CHLSN: variants seen among roughly 807,000 people sequenced by gnomAD.
CHLSN encodes cholesin, also known as protein cholesin.
At chr7:1,119,883 A>AT in the CHLSN span, among the ~76,000 whole-genome samples, 6,156 of 147,036 alleles carry the variant, frequency 0.042, 326 homozygotes, top group African/African-American at 0.12. Flanking sequence ...GTCAAAAAAA[A>AT]AAAAAAGGGG....
the CHLSN span, among the ~76,000 whole-genome samples, chr7:1,014,797 G>A: frequency 4.0e-5 from 6 of 151,730 alleles, no homozygotes; most frequent in African/African-American, 1.2e-4. Flanking sequence ...CGCCGGCCAC[G>A]GCAGCGATCC....
the CHLSN span, among the ~76,000 whole-genome samples, chr7:1,070,954 GCA>G: frequency 9.0e-6 from 1 of 111,562 alleles, no homozygotes; most frequent in African/African-American, 2.9e-5. Context: ...CACACACACA[GCA>G]CAGACACGCA....
At chr7:1,059,736 G>A in the CHLSN span, among the ~76,000 whole-genome samples, 1 of 144,538 alleles carries the variant, frequency 6.9e-6, no homozygotes. Context: ...GTCTTAGGGG[G>A]GCGGGTCCGT....
the CHLSN span, among the ~76,000 whole-genome samples, chr7:1,095,369 T>A: frequency 7.2e-6 from 1 of 138,874 alleles, no homozygotes; most frequent in Non-Finnish European, 1.5e-5. Flanking sequence ...ACCCGGGCAC[T>A]CTCTTTACAA....
the CHLSN span, among the ~76,000 whole-genome samples, chr7:1,043,180 C>T: frequency 3.3e-5 from 5 of 151,906 alleles, no homozygotes; most frequent in East Asian, 5.8e-4. Flanking sequence ...AAGCCAAGAT[C>T]GTGTCATTGC....
chr7:1,021,670 C>T, the CHLSN span: 2 of 705,250 alleles, frequency 2.8e-6, no homozygotes, highest in East Asian at 1.3e-4. Context: ...CTGGGAACCC[C>T]GGCAGGTCGG....
the CHLSN span, among the ~76,000 whole-genome samples, chr7:1,119,281 C>A: frequency 6.6e-6 from 1 of 151,874 alleles, no homozygotes; most frequent in Non-Finnish European, 1.5e-5. Context: ...TCACAAAAAA[C>A]AAATCAAAAA....
chr7:988,902 C>A, the CHLSN span: 15 of 896,538 alleles, frequency 1.7e-5, no homozygotes, highest in South Asian at 2.3e-4. Flanking sequence ...TCCCACCCCA[C>A]AGCTCGGACT....
chr7:1,022,182 G>A, the CHLSN span, among the ~76,000 whole-genome samples: 1 of 152,196 alleles, frequency 6.6e-6, no homozygotes, highest in South Asian at 2.1e-4. Flanking sequence ...GCTCAGGAGG[G>A]AAGGACCAGA....
At chr7:1,022,096 CCT>C in the CHLSN span, among the ~76,000 whole-genome samples, 1 of 152,218 alleles carries the variant, frequency 6.6e-6, no homozygotes, top group African/African-American at 2.4e-5. Context: ...GGCAACCAAC[CCT>C]GAGTCCACCG....
At chr7:1,034,869 C>T in the CHLSN span, among the ~76,000 whole-genome samples, 1 of 151,642 alleles carries the variant, frequency 6.6e-6, no homozygotes, top group Non-Finnish European at 1.5e-5. Context: ...CATCATTCAG[C>T]TCCCACTTAT....
the CHLSN span, among the ~76,000 whole-genome samples, chr7:1,019,838 C>T: frequency 6.6e-6 from 1 of 152,250 alleles, no homozygotes; most frequent in Non-Finnish European, 1.5e-5. Context: ...ACTCAGGTCT[C>T]TCACTCCTGC....
chr7:979,054 C>T, the CHLSN span, among the ~76,000 whole-genome samples: 4 of 152,224 alleles, frequency 2.6e-5, no homozygotes, highest in Non-Finnish European at 5.9e-5. Context: ...GTCCACGGCA[C>T]AGGTGTCCTG....
the CHLSN span, among the ~76,000 whole-genome samples, chr7:1,016,201 GCACGCCAGCA>G: frequency 2.9e-5 from 1 of 33,904 alleles, no homozygotes; most frequent in African/African-American, 2.1e-4. Context: ...ACACAGCAGC[GCACGCCAGCA>G]CACAGCAGCA....
the CHLSN span, among the ~76,000 whole-genome samples, chr7:982,250 C>T: frequency 6.6e-6 from 1 of 152,212 alleles, no homozygotes; most frequent in Non-Finnish European, 1.5e-5. Context: ...GGCTTTCCCT[C>T]CCAGCTAATC....
chr7:1,038,841 C>A, the CHLSN span, among the ~76,000 whole-genome samples: 168 of 36,220 alleles, frequency 4.6e-3, no homozygotes, highest in East Asian at 8.9e-3. Flanking sequence ...GTGGGGGGGT[C>A]AGCCCCCCGC....
the CHLSN span, among the ~76,000 whole-genome samples, chr7:1,119,194 A>C: frequency 1.3e-5 from 2 of 152,206 alleles, no homozygotes; most frequent in African/African-American, 4.8e-5. Context: ...TCTTTTCAAC[A>C]AGCAGAGCTG....
the CHLSN span, among the ~76,000 whole-genome samples, chr7:996,219 A>C: frequency 1.3e-5 from 2 of 152,112 alleles, no homozygotes; most frequent in Admixed American, 6.5e-5. Context: ...TCCCCACAAC[A>C]ACAGCCCGGA....
chr7:1,095,401 C>A, the CHLSN span, among the ~76,000 whole-genome samples: 1 of 151,970 alleles, frequency 6.6e-6, no homozygotes, highest in Non-Finnish European at 1.5e-5. Flanking sequence ...CAATGAAGCT[C>A]CCCTTTTGAC....
Sources: gnomAD v4.1 joint callset for allele counts (sites outside exome capture counted in the v4.1 genomes callset) on GRCh38, gnomAD v4.1.1 for gene constraint, MANE v1.5 for transcripts, NCBI Gene and HGNC (gene_info 2026-07-23, HGNC 2026-07-21) for gene names.